Variants in ZNF41 observed in about 807,000 individuals in gnomAD.
ZNF41 encodes the protein zinc finger protein 41.
ZNF41 carries 6 observed loss-of-function variants against 9.3 expected under a neutral mutation model. The ratio of observed to expected loss-of-function variants is 0.65; its 90% CI spans 0.35 to 1.28. The LOEUF is 1.28. Among genes scored for constraint, ZNF41 ranks in the 50% most tolerant of loss-of-function variants. The pLI, the probability that ZNF41 is intolerant of heterozygous loss-of-function variation, is 0.03. For missense variants in ZNF41, 523 were observed against 585.8 expected, an observed-to-expected ratio of 0.89 and a Z score of 1.11; for synonymous variants, 192 against 207.1, an observed-to-expected ratio of 0.93 and a Z score of 0.63.
chrX:47,449,248 T>C lies in ZNF41; in HGVS notation c.522A>G (p.Lys174=). 1 of 1,211,212 alleles carries C rather than the reference T, an allele frequency of 8.3e-7. No individual in the cohort carries two copies. Among genetic ancestry groups the C allele is most frequent in the Non-Finnish European group, 1.1e-6 (1 of 895,351 alleles). The stretch of plus-strand genomic sequence containing the variant: ...CAAGCTTGGTAGTCACATGAATTAT[T>C]TTTTCAATGTTTTTATGTTCATAGC... The part of the protein sequence containing the change: ...ERGYEHKNIE[K]IIHVTTKLVP... Residue 174 remains lysine (K), a synonymous_variant, in exon 5 of 5, where the codon AAA becomes AAG. Coordinates refer to ENST00000684689, the MANE Select transcript of ZNF41 (RefSeq NM_001324144.2).
Position 47,449,144 on chromosome X carries a change from C to G in ZNF41, c.626G>C (p.Ser209Thr). 8.3e-7 allele frequency: 1 copy of G among 1,211,488 alleles called. No individual in the cohort carries two copies. Among genetic ancestry groups the G allele is most frequent in the Non-Finnish European group, 1.1e-6 (1 of 895,428 alleles). The change falls in exon 5 of 5, where the codon AGT becomes ACT. Residue 209 changes from serine to threonine, a missense_variant. Transcript: ENST00000684689. ...TLNSHNHNRN[S>T]ATKNLGKIFG... ...AATCTTGCCAAGGTTCTTTGTTGCACTGTTTCTATTATGATTATGTGAGTT... is the reference window on the plus strand; with the variant it reads ...AATCTTGCCAAGGTTCTTTGTTGCAGTGTTTCTATTATGATTATGTGAGTT...
intron 1 of ZNF41, among the ~76,000 whole-genome samples, chrX:47,472,423 A>T (rs1342767571): frequency 9.3e-6 from 1 of 107,817 alleles, no homozygotes; most frequent in Non-Finnish European, 1.9e-5. Context: ...TATGTTTAAA[A>T]ACATGGCTTC....
intron 4 of ZNF41, among the ~76,000 whole-genome samples, chrX:47,454,998 C>A (rs2056501178): frequency 9.0e-6 from 1 of 110,856 alleles, no homozygotes. Flanking sequence ...GTAATCCCAG[C>A]ACTTTGGGAG....
At chrX:47,467,268 A>G (rs1266568563) in intron 2 of ZNF41, 142 bp downstream of exon 2, 13 of 1,144,694 alleles carry the variant, frequency 1.1e-5, no homozygotes, top group Non-Finnish European at 1.3e-5. Flanking sequence ...CAGCAAGAGG[A>G]CCCTGATCTG....
At chrX:47,470,039 T>C (rs1373510143) in intron 1 of ZNF41, among the ~76,000 whole-genome samples, 1 of 111,252 alleles carries the variant, frequency 9.0e-6, no homozygotes, top group Admixed American at 9.7e-5. Context: ...TAAAGGCAAC[T>C]ACTAGCAGAA....
chrX:47,476,339 C>A (rs781714402), intron 1 of ZNF41, among the ~76,000 whole-genome samples: 1 of 111,140 alleles, frequency 9.0e-6, no homozygotes, highest in African/African-American at 3.3e-5. Context: ...GGCAACAGAG[C>A]GAGACTCTGT....
intron 1 of ZNF41, among the ~76,000 whole-genome samples, chrX:47,475,081 G>GA (rs762750726): frequency 3.0e-4 from 26 of 86,774 alleles, no homozygotes; most frequent in Admixed American, 5.3e-4. Context: ...TCGGGAGGTT[G>GA]AAAAAAAAAA....
intron 1 of ZNF41, chrX:47,482,596 T>TGCGTGCGTGCGCGC (rs2057505154): frequency 1.2e-5 from 1 of 84,308 alleles, no homozygotes; most frequent in Non-Finnish European, 2.5e-5. Flanking sequence ...ACCGCGCCGG[T>TGCGTGCGTGCGCGC]GCGTGCGTGC....
In ZNF41 at chrX:47,467,765, G is replaced by A. The variant is rs2057039565; in HGVS notation, c.-279-5C>T. On this transcript the variant is annotated splice_region_variant and splice_polypyrimidine_tract_variant and intron_variant, in intron 1 of 4. Coordinates refer to ENST00000684689, the MANE Select transcript of ZNF41 (RefSeq NM_001324144.2). The stretch of plus-strand genomic sequence containing the variant: ...GGCCGCTCACTGTGCTGGATGCTGC[G>A]GAAGAGAAAAGTTCGGTAAAACCCA... 1.4e-5 allele frequency: 5 copies of A among 369,491 alleles called. No individual in the cohort carries two copies. The highest frequency in any genetic ancestry group is 4.9e-5 in the South Asian group (1 of 20,563). 30.5% of individuals were successfully genotyped at this position (369,491 alleles called of 1,213,427 possible).
rs2056085637 is a variant in ZNF41, at chrX:47,445,464, C to CA, written c.*1965dup. 8.9e-6 allele frequency among the ~76,000 whole-genome samples: 1 copy of CA among 111,773 alleles called. No individual in the cohort carries two copies. Among genetic ancestry groups the CA allele is most frequent in the Non-Finnish European group, 1.9e-5 (1 of 53,138 alleles). ...AAATAAAACCGAAAACTAAAACTGA[C>CA]ATATCACTATATGCCCACCACTAAT... is the stretch of plus-strand genomic sequence containing the variant. On this transcript the variant is annotated 3_prime_UTR_variant, in exon 5 of 5. Coordinates refer to ENST00000684689, the MANE Select transcript of ZNF41 (RefSeq NM_001324144.2).
chrX:47,471,100 G>A lies in ZNF41; in HGVS notation c.-279-3340C>T, dbSNP rs751194840. Among the ~76,000 whole-genome samples the A allele has an allele frequency of 2.7e-5, 3 of 111,089 alleles. No individual in the cohort carries two copies. The South Asian group carries it at 1.1e-3, about 42-fold the overall frequency. ...ATTTTAGCATGTGGTATGTGTTAGA[G>A]TCAAGATTCATTTCTTTCATATGGA... On this transcript the variant is annotated intron_variant, in intron 1 of 4. Transcript: ENST00000684689.
intron 2 of ZNF41, among the ~76,000 whole-genome samples, chrX:47,461,018 G>A (rs1291862429): frequency 9.0e-6 from 1 of 110,565 alleles, no homozygotes. Flanking sequence ...TAAAAACAGT[G>A]ATTTTAAAAA....
rs1398312215 is a variant in ZNF41 at position 47,455,951 on chromosome X, C to T, written c.265G>A (p.Glu89Lys). Residue 89 changes from glutamate (E) to lysine (K), a missense_variant, in exon 4 of 5, where the codon GAG (glutamate) becomes AAG (lysine). Glu to Lys is a moderately conservative substitution (Grantham distance 56, BLOSUM62 1). Transcript: ENST00000684689. ...CAGCTCTGATGTGGGGCTTCCCCCTCCAGCATCCATGGCCCCTCTCCTTGC... is the reference window on the plus strand; with the variant it reads ...CAGCTCTGATGTGGGGCTTCCCCCTTCAGCATCCATGGCCCCTCTCCTTGC... The part of the protein sequence containing the change: ...LEQGEGPWML[E>K]GEAPHQSCSG... 11 of 1,209,940 alleles carry T rather than the reference C, an allele frequency of 9.1e-6. No homozygotes were observed. Among genetic ancestry groups the T allele is most frequent in the Non-Finnish European group, 1.1e-5 (10 of 895,236 alleles).
chrX:47,457,283 G>C (rs772652602), intron 2 of ZNF41, among the ~76,000 whole-genome samples: 2 of 110,676 alleles, frequency 1.8e-5, no homozygotes, highest in Non-Finnish European at 3.8e-5. Flanking sequence ...GGTGGCGCAC[G>C]CCCGTAATCC....
intron 1 of ZNF41, among the ~76,000 whole-genome samples, chrX:47,476,499 T>C (rs1204861380): frequency 9.0e-6 from 1 of 111,642 alleles, no homozygotes; most frequent in Non-Finnish European, 1.9e-5. Flanking sequence ...AATTTAAAAA[T>C]AGGCCAAGGA....
At chrX:47,473,243 T>C (rs1190497685) in intron 1 of ZNF41, among the ~76,000 whole-genome samples, 1 of 111,607 alleles carries the variant, frequency 9.0e-6, no homozygotes, top group Non-Finnish European at 1.9e-5. Flanking sequence ...GTGGTGGCTA[T>C]GCAGGTTTGT....
At chrX:47,449,585 A>G in intron 4 of ZNF41, 111 bp from the exon 5 acceptor site, 1 of 845,341 alleles carries the variant, frequency 1.2e-6, no homozygotes, top group Non-Finnish European at 1.7e-6. Context: ...AGCCCATAGG[A>G]CAATATAGTA....
intron 1 of ZNF41, among the ~76,000 whole-genome samples, chrX:47,468,161 A>C (rs765370351): frequency 9.0e-6 from 1 of 111,520 alleles, no homozygotes; most frequent in South Asian, 3.8e-4. Flanking sequence ...CAGAAATATT[A>C]AGAAATTTGC....
intron 2 of ZNF41, among the ~76,000 whole-genome samples, chrX:47,462,112 C>T (rs1023485995): frequency 1.1e-4 from 12 of 110,670 alleles, no homozygotes; most frequent in Admixed American, 4.8e-4. Flanking sequence ...GGGATCCTTC[C>T]GGCCTCAGCC....
Sources: gnomAD v4.1 joint callset for allele counts (sites outside exome capture counted in the v4.1 genomes callset) on GRCh38, gnomAD v4.1.1 for gene constraint, MANE v1.5 for transcripts, NCBI Gene and HGNC (gene_info 2026-07-23, HGNC 2026-07-21) for gene names.